CEP76: variants seen among roughly 807,000 people sequenced by gnomAD.
The protein encoded by CEP76 is centrosomal protein 76.
CEP76 carries 55 observed loss-of-function variants against 83.3 expected under a neutral mutation model. That is an observed-to-expected ratio of 0.66 (90% CI 0.53 to 0.83). CEP76 has a LOEUF of 0.83. Ranked by LOEUF, CEP76 falls within the 40% of genes least tolerant of loss-of-function variation. CEP76 has a pLI of 0.00. For missense variants in CEP76, 694 were observed against 799.5 expected (o/e 0.87, Z 1.59); for synonymous variants, 270 against 274.5 (o/e 0.98, Z 0.16).
At chr18:12,677,458 CAAAAAAAAAA>C (rs71174127) in intron 10 of CEP76, among the ~76,000 whole-genome samples, 12 of 53,948 alleles carry the variant, frequency 2.2e-4, no homozygotes, top group Admixed American at 1.3e-3. Context: ...GATTCCATCT[CAAAAAAAAAA>C]AAAAAAAAAA....
chr18:12,701,534 G>A (rs2040148865), intron 1 of CEP76, among the ~76,000 whole-genome samples: 1 of 152,182 alleles, frequency 6.6e-6, no homozygotes, highest in South Asian at 2.1e-4. Context: ...TTTCGTCACC[G>A]ATAAGAATGG....
At chr18:12,694,167 C>A (rs1037640852) in intron 6 of CEP76, among the ~76,000 whole-genome samples, 2 of 152,066 alleles carry the variant, frequency 1.3e-5, no homozygotes, top group African/African-American at 4.8e-5. Flanking sequence ...ATATACCACC[C>A]ATGACACATG....
chr18:12,692,834 C>A (rs2039816194), intron 6 of CEP76, among the ~76,000 whole-genome samples: 1 of 152,066 alleles, frequency 6.6e-6, no homozygotes, highest in African/African-American at 2.4e-5. Context: ...ACTTTAATTT[C>A]TTTTAAGAGA....
At chr18:12,693,440 A>T (rs1435438809) in intron 6 of CEP76, among the ~76,000 whole-genome samples, 1 of 151,828 alleles carries the variant, frequency 6.6e-6, no homozygotes, top group Non-Finnish European at 1.5e-5. Flanking sequence ...AAATTTAATT[A>T]AAAAAAACAA....
chr18:12,674,206 G>A (rs2039036435), intron 11 of CEP76, among the ~76,000 whole-genome samples: 1 of 152,066 alleles, frequency 6.6e-6, no homozygotes, highest in South Asian at 2.1e-4. Context: ...GGAGGCTGAG[G>A]TGGGAAGACT....
chr18:12,701,103 T>C lies in CEP76; in HGVS notation c.74A>G (p.His25Arg), dbSNP rs1298646183. The C allele has an allele frequency of 3.7e-6, 6 of 1,611,370 alleles. No homozygotes were observed. Among genetic ancestry groups the C allele is most frequent in the East Asian group, 2.2e-5 (1 of 44,860 alleles). ...AGCAAGGATTTCTCTTATTCTACCA[T>C]GGACATCCATCTATGTAGAAAACTC... ...IHQQLSKMDVHGRIREILAET... is the reference protein window; with the variant it reads ...IHQQLSKMDVRGRIREILAET... Residue 25 changes from histidine (H) to arginine (R), a missense_variant, in exon 2 of 12, where the codon CAT becomes CGT. His to Arg is a conservative substitution (Grantham distance 29, BLOSUM62 0). Coordinates refer to ENST00000262127, the MANE Select transcript of CEP76 (RefSeq NM_024899.4).
chr18:12,689,923 G>T lies in CEP76; in HGVS notation c.933+1436C>A, dbSNP rs142320348. Among the ~76,000 whole-genome samples the T allele has an allele frequency of 6.9e-3, 1,050 of 152,182 alleles. 9 individuals carry two copies. The highest frequency in any genetic ancestry group is 0.024 in the African/African-American group (1,001 of 41,502). On this transcript the variant is annotated intron_variant, in intron 7 of 11. Transcript: ENST00000262127. ...CCTGCCTCAGCCTCCTGACTAACTG[G>T]GATTATAGGTGCCTGCCACCAAGCC...
chr18:12,693,084 A>G (rs1454804411), intron 6 of CEP76, among the ~76,000 whole-genome samples: 1 of 152,206 alleles, frequency 6.6e-6, no homozygotes, highest in Non-Finnish European at 1.5e-5. Flanking sequence ...TTGGCCTCCC[A>G]AAGTGCTGGG....
Position 12,691,360 on chromosome 18 carries a change from T to C in CEP76, c.932A>G (p.Gln311Arg). 1 of 1,566,532 alleles carries C rather than the reference T, an allele frequency of 6.4e-7. No homozygotes were observed. Among genetic ancestry groups the C allele is most frequent in the Non-Finnish European group, 8.6e-7 (1 of 1,156,692 alleles). Reference sequence around the variant, plus strand: ...ATTATTCTAATATAATTTACAAACCTGTGCAAAAATCTTAACCAGTCGTGA... The same window carrying C: ...ATTATTCTAATATAATTTACAAACCCGTGCAAAAATCTTAACCAGTCGTGA... ...HNSRLVKIFA[Q>R]DENGINRPVC... is the part of the protein sequence containing the mutation. The change falls in exon 7 of 12, where the codon CAG becomes CGG. Residue 311 changes from glutamine (Q) to arginine (R), a missense_variant and splice_region_variant. Gln to Arg is a conservative substitution (Grantham distance 43). Coordinates refer to ENST00000262127, the MANE Select transcript of CEP76 (RefSeq NM_024899.4).
chr18:12,685,990 C>A (rs2039526997), intron 8 of CEP76: 1 of 271,992 alleles, frequency 3.7e-6, no homozygotes, highest in Non-Finnish European at 7.0e-6. Flanking sequence ...TTTAAATCAC[C>A]TCTAAATTGT....
chr18:12,692,011 A>G (rs1242891088), intron 6 of CEP76, among the ~76,000 whole-genome samples: 1 of 151,956 alleles, frequency 6.6e-6, no homozygotes, highest in African/African-American at 2.4e-5. Context: ...TGGCCCAGAA[A>G]TTTTTAAATA....
At chr18:12,700,548 G>T (rs2040115773) in intron 2 of CEP76, among the ~76,000 whole-genome samples, 2 of 152,084 alleles carry the variant, frequency 1.3e-5, no homozygotes, top group African/African-American at 4.8e-5. Flanking sequence ...TTTTCTTAAA[G>T]AAATTTGTAA....
intron 10 of CEP76, among the ~76,000 whole-genome samples, chr18:12,676,931 G>A (rs1227526572): frequency 2.0e-5 from 3 of 152,118 alleles, no homozygotes; most frequent in African/African-American, 7.2e-5. Context: ...GTGGAACAGG[G>A]AACCCTAAAA....
At chr18:12,681,695 G>C (rs2039355005) in intron 8 of CEP76, among the ~76,000 whole-genome samples, 1 of 151,938 alleles carries the variant, frequency 6.6e-6, no homozygotes, top group Admixed American at 6.6e-5. Flanking sequence ...ACATACATAA[G>C]AAAAATGACT....
At chr18:12,689,136 A>T (rs1228714123) in intron 7 of CEP76, among the ~76,000 whole-genome samples, 2 of 151,718 alleles carry the variant, frequency 1.3e-5, no homozygotes, top group East Asian at 1.9e-4. Context: ...AAAGTTCTTT[A>T]CTTTACTTTC....
At chr18:12,692,763 C>T (rs544207345) in intron 6 of CEP76, among the ~76,000 whole-genome samples, 2 of 152,346 alleles carry the variant, frequency 1.3e-5, no homozygotes, top group Non-Finnish European at 2.9e-5. Flanking sequence ...GCTACATCTC[C>T]AGTGTCTAGA....
chr18:12,702,712 T>G lies in CEP76; in HGVS notation c.-164A>C. ...CGCAACGCCGCGTCAGGCCGGGGGC[T>G]GACCTGGAAATGAGGCCCCGGCGGC... On this transcript the variant is annotated 5_prime_UTR_variant, in exon 1 of 12. Transcript: ENST00000262127. 1.4e-6 allele frequency: 1 copy of G among 735,952 alleles called. No homozygotes were observed. The highest frequency in any genetic ancestry group is 2.1e-6 in the Non-Finnish European group (1 of 474,792). The allele number at this position is 735,952 out of a possible 1,614,324, so 45.6% of individuals were successfully genotyped here.
rs371133102 is a variant in CEP76 at position 12,664,153 on chromosome 18, G to A, written c.*1728-1984C>T. 2.7e-5 allele frequency among the ~76,000 whole-genome samples: 4 copies of A among 146,482 alleles called. No individual in the cohort carries two copies. In the East Asian group the frequency reaches 8.0e-4, roughly 29 times the overall value. ...GCACTCCAGTCTGGGCAACCAGAGC[G>A]AAACTCCATCTCAAAAGAAAAAAGA... On this transcript the variant is annotated intron_variant and NMD_transcript_variant, in intron 12 of 12. Coordinates refer to the CEP76 transcript ENST00000590143.
At chr18:12,670,003 AAAAG>A (rs1010446916), downstream of CEP76, among the ~76,000 whole-genome samples, 4 of 148,672 alleles carry the variant, frequency 2.7e-5, no homozygotes, top group African/African-American at 7.8e-5. Flanking sequence ...CTCAAAAAAA[AAAAG>A]AAAAGAAAAA....
Sources: allele counts gnomAD v4.1 joint callset (sites outside exome capture counted in the v4.1 genomes callset), GRCh38; gene constraint gnomAD v4.1.1; transcripts MANE v1.5; gene names NCBI Gene and HGNC (gene_info 2026-07-23, HGNC 2026-07-21).